Variants in HSBP1 observed in about 807,000 individuals in gnomAD.
HSBP1 encodes heat shock factor binding protein 1.
In HSBP1, 5 loss-of-function variants were observed where a neutral mutation model predicts 9.6. The ratio of observed to expected loss-of-function variants is 0.52; its 90% CI spans 0.27 to 1.09. The LOEUF is 1.09. HSBP1 is among the 50% of genes least tolerant of loss of function. The pLI, the probability that HSBP1 is intolerant of heterozygous loss-of-function variation, is 0.11. For synonymous variants in HSBP1, 42 were observed against 33.3 expected (o/e 1.26, Z -0.90); for missense variants, 121 against 96.3 (o/e 1.26, Z -1.07).
In HSBP1 at chr16:83,814,092, A is replaced by G. The variant is rs1325656730; in HGVS notation, c.*2674A>G. The G allele has an allele frequency of 2.0e-5, 3 of 152,228 alleles. No individual in the cohort carries two copies. Among genetic ancestry groups the G allele is most frequent in the African/African-American group, 7.2e-5 (3 of 41,452 alleles). 9.4% of individuals were successfully genotyped at this position (152,228 alleles called of 1,614,324 possible). On this transcript the variant is annotated 3_prime_UTR_variant, in exon 4 of 4. Coordinates refer to ENST00000433866, the MANE Select transcript of HSBP1 (RefSeq NM_001537.4). ...CTGTTTGTAAATGGAAGCCTTCCCA[A>G]GCAGACACTGTGTTCCTCTTTTATT... is the stretch of plus-strand genomic sequence containing the variant.
rs926213555 is a variant in HSBP1, at chr16:83,812,582, C to T, written c.*1164C>T. The T allele has an allele frequency of 6.6e-6, 1 of 152,142 alleles. No homozygotes were observed. Among genetic ancestry groups the T allele is most frequent in the Non-Finnish European group, 1.5e-5 (1 of 68,030 alleles). 9.4% of individuals were successfully genotyped at this position (152,142 alleles called of 1,614,324 possible). A position where few individuals can be genotyped will look rare whatever the true frequency, so the allele number is the denominator to read the frequency against. On this transcript the variant is annotated 3_prime_UTR_variant, in exon 4 of 4. Coordinates refer to ENST00000433866, the MANE Select transcript of HSBP1 (RefSeq NM_001537.4). ...TGATTTTTTTAAGTTTCTCATCTCACCAGTCTTGGTGTTTATATTGCAAAT... is the reference window on the plus strand; with the variant it reads ...TGATTTTTTTAAGTTTCTCATCTCATCAGTCTTGGTGTTTATATTGCAAAT...
In HSBP1 at chr16:83,819,469, G is replaced by C. The variant is rs544980804; in HGVS notation, c.*8051G>C. 1.3e-5 allele frequency: 2 copies of C among 152,038 alleles called. No homozygotes were observed. Among genetic ancestry groups the C allele is most frequent in the Admixed American group, 1.3e-4 (2 of 15,262 alleles). 9.4% of individuals were successfully genotyped at this position (152,038 alleles called of 1,614,324 possible). A position where few individuals can be genotyped will look rare whatever the true frequency, so the allele number is the denominator to read the frequency against. ...TGTGACCTCTTCTGCCTTCTGAACC[G>C]AGGAGTCCACCCCTAAGCCCGAGGA... On this transcript the variant is annotated 3_prime_UTR_variant, in exon 4 of 4. Coordinates refer to ENST00000433866, the MANE Select transcript of HSBP1 (RefSeq NM_001537.4).
intron 3 of HSBP1, among the ~76,000 whole-genome samples, chr16:83,809,674 G>A (rs996339458): frequency 1.1e-4 from 16 of 151,722 alleles, no homozygotes; most frequent in Non-Finnish European, 2.4e-4. Flanking sequence ...TCTCCATGTT[G>A]GTCATGCTGG....
Position 83,817,956 on chromosome 16 carries a change from C to G in HSBP1, c.*6538C>G, listed in dbSNP as rs899888451. On this transcript the variant is annotated 3_prime_UTR_variant, in exon 4 of 4. Transcript: ENST00000433866. ...ATCAGCCTTTCCCTTTGATAGGTAT[C>G]TCTCCTGCAAGCCAGGCTCAGGTGC... The G allele has an allele frequency of 1.3e-5, 2 of 152,206 alleles. No individual in the cohort carries two copies. The highest frequency in any genetic ancestry group is 2.9e-5 in the Non-Finnish European group (2 of 68,048). The allele number at this position is 152,206 out of a possible 1,614,324, so 9.4% of individuals were successfully genotyped here.
intron 3 of HSBP1, among the ~76,000 whole-genome samples, chr16:83,810,850 G>A (rs139326105): frequency 1.1e-3 from 175 of 152,280 alleles, no homozygotes; most frequent in African/African-American, 3.9e-3. Context: ...TTTTAGATTC[G>A]TAGAGTACTA....
In HSBP1 at chr16:83,816,236, C is replaced by T. The variant is rs891544214; in HGVS notation, c.*4818C>T. ...CAACATGGCGAAACCCCCGTCTCTACTAAAAATACAAAAATTAGCCAGGCG... is the reference window on the plus strand; with the variant it reads ...CAACATGGCGAAACCCCCGTCTCTATTAAAAATACAAAAATTAGCCAGGCG... On this transcript the variant is annotated 3_prime_UTR_variant, in exon 4 of 4. Transcript: ENST00000433866. 4.6e-5 allele frequency: 7 copies of T among 152,052 alleles called. No homozygotes were observed. Among genetic ancestry groups the T allele is most frequent in the Admixed American group, 1.3e-4 (2 of 15,262 alleles). The allele number at this position is 152,052 out of a possible 1,614,324, so 9.4% of individuals were successfully genotyped here. A position where few individuals can be genotyped will look rare whatever the true frequency, so the allele number is the denominator to read the frequency against.
rs1350660442 is a variant in HSBP1 at position 83,817,045 on chromosome 16, C to A, written c.*5627C>A. The A allele has an allele frequency of 1.3e-5, 2 of 152,240 alleles. No homozygotes were observed. The highest frequency in any genetic ancestry group is 4.8e-5 in the African/African-American group (2 of 41,448). 9.4% of individuals were successfully genotyped at this position (152,240 alleles called of 1,614,324 possible). A position where few individuals can be genotyped will look rare whatever the true frequency, so the allele number is the denominator to read the frequency against. On this transcript the variant is annotated 3_prime_UTR_variant, in exon 4 of 4. Transcript: ENST00000433866. Reference sequence around the variant, plus strand: ...CATTAGAATCACCTGGGGAGCAGTTCAAAGGCCCAAAACTGGGCAGCACCA... The same window carrying A: ...CATTAGAATCACCTGGGGAGCAGTTAAAAGGCCCAAAACTGGGCAGCACCA...
chr16:83,809,850 C>G (rs999467771), intron 3 of HSBP1, among the ~76,000 whole-genome samples: 4 of 152,074 alleles, frequency 2.6e-5, no homozygotes, highest in Non-Finnish European at 5.9e-5. Context: ...AGATCAGTTC[C>G]CAGCCATGAT....
intron 3 of HSBP1, among the ~76,000 whole-genome samples, chr16:83,810,666 G>C (rs1904581741): frequency 6.6e-6 from 1 of 151,582 alleles, no homozygotes; most frequent in South Asian, 2.1e-4. Flanking sequence ...GTGAAACCCT[G>C]TCTGTACAAA....
rs1178516756 is a variant in HSBP1, at chr16:83,811,305, A to G, written c.*3-116A>G. On this transcript the variant is annotated intron_variant, in intron 3 of 3. Transcript: ENST00000433866. ...ATTGCTAAAATATTGCCAGAAGAAA[A>G]TAAGTTTAACTCAGTAGGAGAGTGG... is the stretch of plus-strand genomic sequence containing the variant. 5 of 152,348 alleles carry G rather than the reference A, an allele frequency of 3.3e-5. No homozygotes were observed. The East Asian group carries it at 5.8e-4, about 18-fold the overall frequency. The allele number at this position is 152,348 out of a possible 1,614,324, so 9.4% of individuals were successfully genotyped here.
In HSBP1 at chr16:83,812,128, A is replaced by T. The variant is rs1904614355; in HGVS notation, c.*710A>T. 1 of 152,616 alleles carries T rather than the reference A, an allele frequency of 6.6e-6. No individual in the cohort carries two copies. Among genetic ancestry groups the T allele is most frequent in the Non-Finnish European group, 1.5e-5 (1 of 68,034 alleles). The allele number at this position is 152,616 out of a possible 1,614,324, so 9.5% of individuals were successfully genotyped here. ...GGCGTTTGTTAGAGTTTTGCATGAG[A>T]TTCTAATACTTCAGTAGGACCCTAC... On this transcript the variant is annotated 3_prime_UTR_variant, in exon 4 of 4. Coordinates refer to ENST00000433866, the MANE Select transcript of HSBP1 (RefSeq NM_001537.4).
chr16:83,809,502 CT>C, intron 3 of HSBP1, 77 bp downstream of exon 3: 1 of 668,798 alleles, frequency 1.5e-6, no homozygotes, highest in Non-Finnish European at 2.2e-6. Context: ...GAGTTTTGCT[CT>C]TGTTGCCCAG....
rs1904648456 is a variant in HSBP1 at position 83,813,486 on chromosome 16, T to A, written c.*2068T>A. The A allele has an allele frequency of 1.3e-5, 2 of 152,538 alleles. No individual in the cohort carries two copies. Among genetic ancestry groups the A allele is most frequent in the South Asian group, 4.1e-4 (2 of 4,842 alleles). The allele number at this position is 152,538 out of a possible 1,614,324, so 9.4% of individuals were successfully genotyped here. On this transcript the variant is annotated 3_prime_UTR_variant, in exon 4 of 4. Transcript: ENST00000433866. ...CTGCCTCAGCCTCCCAAGTAGCTAA[T>A]ATTACAGGTTCGTGCCACCGCACCT...
Position 83,808,075 on chromosome 16 carries a change from A to G in HSBP1, c.-2A>G. 6.5e-7 allele frequency: 1 copy of G among 1,544,290 alleles called. No homozygotes were observed. The highest frequency in any genetic ancestry group is 8.7e-7 in the Non-Finnish European group (1 of 1,143,512). On this transcript the variant is annotated 5_prime_UTR_variant, in exon 1 of 4. Coordinates refer to ENST00000433866, the MANE Select transcript of HSBP1 (RefSeq NM_001537.4). ...ATCACCGCCAAGCTGGGCATCGGGG[A>G]GATGGCCGAGACTGACCCCAAGACC... is the stretch of plus-strand genomic sequence containing the variant.
In HSBP1 at chr16:83,817,817, C is replaced by T. The variant is rs2151032581; in HGVS notation, c.*6399C>T. On this transcript the variant is annotated 3_prime_UTR_variant, in exon 4 of 4. Transcript: ENST00000433866. ...CTCCTGAAAACATAAGACCATTTGA[C>T]TGATTCTGCTCCAGAATCTTATTGA... 1 of 152,314 alleles carries T rather than the reference C, an allele frequency of 6.6e-6. No individual in the cohort carries two copies. The highest frequency in any genetic ancestry group is 2.1e-4 in the South Asian group (1 of 4,830). The allele number at this position is 152,314 out of a possible 1,614,324, so 9.4% of individuals were successfully genotyped here. A position where few individuals can be genotyped will look rare whatever the true frequency, so the allele number is the denominator to read the frequency against.
Position 83,818,741 on chromosome 16 carries a change from C to T in HSBP1, c.*7323C>T, listed in dbSNP as rs1292397115. On this transcript the variant is annotated 3_prime_UTR_variant, in exon 4 of 4. Transcript: ENST00000433866. Reference sequence around the variant, plus strand: ...GAAAGGTTTGCAGCGGCACCTAAGTCACTGAAGTTCTGGCAGAATTCATTC... The same window carrying T: ...GAAAGGTTTGCAGCGGCACCTAAGTTACTGAAGTTCTGGCAGAATTCATTC... 1 of 152,214 alleles carries T rather than the reference C, an allele frequency of 6.6e-6. No individual in the cohort carries two copies. The highest frequency in any genetic ancestry group is 2.4e-5 in the African/African-American group (1 of 41,444). 9.4% of individuals were successfully genotyped at this position (152,214 alleles called of 1,614,324 possible).
chr16:83,808,322 C>A (rs1000739928), intron 1 of HSBP1: 25 of 562,992 alleles, frequency 4.4e-5, no homozygotes, highest in Non-Finnish European at 7.8e-5. Context: ...CGGGCGCCCC[C>A]AAGCCCGACC....
In HSBP1 at chr16:83,810,521, CAAAAAAA is replaced by C. The variant is rs751338141; in HGVS notation, c.*3-883_*3-877del. Among the ~76,000 whole-genome samples the C allele has an allele frequency of 2.1e-4, 11 of 51,628 alleles. No individual in the cohort carries two copies. The South Asian group carries it at 3.5e-3, about 16-fold the overall frequency. 33.9% of individuals were successfully genotyped at this position (51,628 alleles called of 152,430 possible). On this transcript the variant is annotated intron_variant, in intron 3 of 3. Transcript: ENST00000433866. Reference sequence around the variant, plus strand: ...TGGGCGACAGAGTGAGACTCTGTCTCAAAAAAAAAAAAAAAAAAAAAAAGGTACTGGT... The same window carrying C: ...TGGGCGACAGAGTGAGACTCTGTCTCAAAAAAAAAAAAAAAAGGTACTGGT...
intron 1 of HSBP1, 42 bp downstream of exon 1, chr16:83,808,163 G>A (rs755484502): frequency 1.3e-6 from 2 of 1,516,956 alleles, no homozygotes; most frequent in Non-Finnish European, 1.8e-6. Context: ...GGCCTTCCCG[G>A]GCGGCGCCGG....
Sources: allele counts gnomAD v4.1 joint callset (sites outside exome capture counted in the v4.1 genomes callset), GRCh38; gene constraint gnomAD v4.1.1; transcripts MANE v1.5; gene names NCBI Gene and HGNC (gene_info 2026-07-23, HGNC 2026-07-21).